The following CPQ variants were observed in gnomAD, a reference collection of about 807,000 sequenced individuals.
CPQ encodes the protein Ser-Met dipeptidase.
A neutral mutation model predicts 45.7 loss-of-function variants in CPQ; 37 were observed. The observed-to-expected ratio is 0.81, with a 90% CI of 0.62 to 1.07. The LOEUF (loss-of-function observed/expected upper bound fraction) is 1.07. Among genes scored for constraint, CPQ ranks in the 50% least tolerant of loss-of-function variants. The pLI is 0.00. For synonymous variants in CPQ, 186 were observed against 205.8 expected, an observed-to-expected ratio of 0.90 and a Z score of 0.82; for missense variants, 537 against 572.9, an observed-to-expected ratio of 0.94 and a Z score of 0.64.
chr8:96,694,903 G>A (rs952610367), intron 1 of CPQ, among the ~76,000 whole-genome samples: 4 of 152,108 alleles, frequency 2.6e-5, no homozygotes, highest in African/African-American at 9.7e-5. Context: ...GTCATTGGTA[G>A]CTTGATGAGG....
chr8:96,720,410 T>C (rs1176167135), intron 1 of CPQ, among the ~76,000 whole-genome samples: 1 of 152,184 alleles, frequency 6.6e-6, no homozygotes, highest in African/African-American at 2.4e-5. Context: ...TTCATGTGTG[T>C]GTGTTTTGTT....
chr8:96,864,169 T>G lies in CPQ; in HGVS notation c.642-15629T>G, dbSNP rs188175055. Among the ~76,000 whole-genome samples the G allele has an allele frequency of 1.4e-3, 210 of 152,106 alleles. 2 individuals are homozygous for G. Among genetic ancestry groups the G allele is most frequent in the Admixed American group, 0.01 (154 of 15,258 alleles). On this transcript the variant is annotated intron_variant, in intron 3 of 7. Transcript: ENST00000220763. The stretch of plus-strand genomic sequence containing the variant: ...GTTTGGAAGAGGTGGACACTATTCC[T>G]CTCTCACTTCCTAACTGGCTTATTC...
chr8:96,807,121 T>C (rs1811089087), intron 2 of CPQ, among the ~76,000 whole-genome samples: 1 of 152,204 alleles, frequency 6.6e-6, no homozygotes, highest in Non-Finnish European at 1.5e-5. Flanking sequence ...CAGAGGAAAT[T>C]AACATATAAC....
chr8:97,097,098 G>T (rs1040895090), intron 7 of CPQ, among the ~76,000 whole-genome samples: 2 of 152,212 alleles, frequency 1.3e-5, no homozygotes, highest in East Asian at 3.8e-4. Context: ...CTAGAAAGCA[G>T]CTCAGTGAAC....
chr8:96,686,774 T>G (rs578069320), intron 1 of CPQ, among the ~76,000 whole-genome samples: 1 of 152,158 alleles, frequency 6.6e-6, no homozygotes, highest in Non-Finnish European at 1.5e-5. Flanking sequence ...AGGTGTTTCT[T>G]AAAAATTTGT....
intron 3 of CPQ, among the ~76,000 whole-genome samples, chr8:96,871,049 G>T (rs1812061297): frequency 6.6e-6 from 1 of 151,974 alleles, no homozygotes; most frequent in African/African-American, 2.4e-5. Context: ...ATGCACAGAT[G>T]CTGTTTGTAT....
At position 96,730,872 on chromosome 8, in the gene CPQ, T is replaced by C. The variant is rs200246616; in HGVS notation, c.-34-53992T>C. Reference sequence around the variant, plus strand: ...GATCAATTAACCATACATACATATATATATATATATATATATATATGCATT... The same window carrying C: ...GATCAATTAACCATACATACATATACATATATATATATATATATATGCATT... On this transcript the variant is annotated intron_variant, in intron 1 of 7. Coordinates refer to ENST00000220763, the MANE Select transcript of CPQ (RefSeq NM_016134.4). Among the ~76,000 whole-genome samples the C allele has an allele frequency of 0.012, 1,447 of 120,244 alleles. 125 individuals carry two copies. The East Asian group carries it at 0.22, about 18-fold the overall frequency. The allele number at this position is 120,244 out of a possible 152,430, so 78.9% of individuals were successfully genotyped here.
intron 1 of CPQ, among the ~76,000 whole-genome samples, chr8:96,659,086 T>C (rs1022787215): frequency 1.3e-5 from 2 of 152,238 alleles, no homozygotes; most frequent in Non-Finnish European, 2.9e-5. Flanking sequence ...ACATGGTAAA[T>C]GCTCAGTTAG....
intron 4 of CPQ, among the ~76,000 whole-genome samples, chr8:96,908,566 G>A (rs1453467284): frequency 1.2e-4 from 19 of 152,146 alleles, no homozygotes; most frequent in Non-Finnish European, 1.5e-5. Flanking sequence ...AAAATCTGAA[G>A]GCACATTTGA....
chr8:96,804,638 AATG>A (rs1417119229), intron 2 of CPQ, among the ~76,000 whole-genome samples: 2 of 152,100 alleles, frequency 1.3e-5, no homozygotes, highest in African/African-American at 2.4e-5. Context: ...CATAGGCATC[AATG>A]AAATAATTTC....
chr8:96,738,126 T>C (rs1004471532), intron 1 of CPQ, among the ~76,000 whole-genome samples: 6 of 152,174 alleles, frequency 3.9e-5, no homozygotes, highest in African/African-American at 1.4e-4. Context: ...CAATATCTAT[T>C]TTATGGCCTG....
chr8:96,887,837 AT>A (rs542949641), intron 4 of CPQ, among the ~76,000 whole-genome samples: 56 of 150,716 alleles, frequency 3.7e-4, no homozygotes, highest in Admixed American at 1.8e-3. Context: ...GATGCAGTGA[AT>A]TTTTTTTTTA....
chr8:96,734,414 T>C (rs542362817), intron 1 of CPQ, among the ~76,000 whole-genome samples: 12 of 152,296 alleles, frequency 7.9e-5, no homozygotes, highest in African/African-American at 2.9e-4. Flanking sequence ...ACACTCCCAC[T>C]TAAAATCCTC....
intron 1 of CPQ, among the ~76,000 whole-genome samples, chr8:96,702,734 T>C (rs1809480288): frequency 6.6e-6 from 1 of 152,200 alleles, no homozygotes; most frequent in South Asian, 2.1e-4. Context: ...ATGCAGGATT[T>C]ATATTTTCTC....
At chr8:96,760,504 G>A (rs141998576) in intron 1 of CPQ, among the ~76,000 whole-genome samples, 154 of 152,206 alleles carry the variant, frequency 1.0e-3, no homozygotes, top group African/African-American at 3.6e-3. Flanking sequence ...ATGTTTTAAG[G>A]GCTAATGTTG....
In CPQ at chr8:97,136,408, C is replaced by T. The variant is rs577506496; in HGVS notation, c.1256-6612C>T. 1.1e-4 allele frequency among the ~76,000 whole-genome samples: 17 copies of T among 152,276 alleles called. No individual in the cohort carries two copies. In the East Asian group the frequency reaches 2.7e-3, roughly 24 times the overall value. ...TTGGCTCATCTTTGTGGCTGTATAA[C>T]AACTATAATAAAGAATTAATTGAGT... On this transcript the variant is annotated intron_variant, in intron 7 of 7. Coordinates refer to ENST00000220763, the MANE Select transcript of CPQ (RefSeq NM_016134.4).
In CPQ at chr8:96,879,781, T is replaced by C; in HGVS notation, c.642-17T>C. ...TATTTCCACTTTCAAGGTAACCTGG[T>C]GGCTTCTTCTCTCAAGTCCTCACAC... is the stretch of plus-strand genomic sequence containing the variant. On this transcript the variant is annotated splice_polypyrimidine_tract_variant and intron_variant, in intron 3 of 7. Transcript: ENST00000220763. 1 of 1,607,424 alleles carries C rather than the reference T, an allele frequency of 6.2e-7. No individual in the cohort carries two copies. Among genetic ancestry groups the C allele is most frequent in the East Asian group, 2.2e-5 (1 of 44,836 alleles).
intron 4 of CPQ, among the ~76,000 whole-genome samples, chr8:96,891,586 C>T (rs969223377): frequency 1.3e-5 from 2 of 152,188 alleles, no homozygotes; most frequent in African/African-American, 4.8e-5. Flanking sequence ...ATGAGTTATC[C>T]TGTCCACTTG....
In CPQ at chr8:96,958,749, G is replaced by A. The variant is rs957800215; in HGVS notation, c.850-7186G>A. Among the ~76,000 whole-genome samples, 3 of 152,016 alleles carry A rather than the reference G, an allele frequency of 2.0e-5. 1 individual carries two copies. The highest frequency in any genetic ancestry group is 4.4e-5 in the Non-Finnish European group (3 of 67,992). On this transcript the variant is annotated intron_variant, in intron 4 of 7. Coordinates refer to ENST00000220763, the MANE Select transcript of CPQ (RefSeq NM_016134.4). Reference sequence around the variant, plus strand: ...CAGGAATAGGCATGATCTCCTTTTTGTGAGTCTAATCTGAGTGTCCTTTAC... The same window carrying A: ...CAGGAATAGGCATGATCTCCTTTTTATGAGTCTAATCTGAGTGTCCTTTAC...
Sources: gnomAD v4.1 joint callset for allele counts (sites outside exome capture counted in the v4.1 genomes callset) on GRCh38, gnomAD v4.1.1 for gene constraint, MANE v1.5 for transcripts, NCBI Gene and HGNC (gene_info 2026-07-23, HGNC 2026-07-21) for gene names.